The following MNT variants were observed in gnomAD, a reference collection of about 807,000 sequenced individuals.
MNT encodes max-binding protein MNT.
In MNT, 13 loss-of-function variants were observed where a neutral mutation model predicts 40.7. The ratio of observed to expected loss-of-function variants is 0.32; its 90% CI spans 0.21 to 0.51. The LOEUF (loss-of-function observed/expected upper bound fraction) is 0.51, where lower values mean the gene tolerates loss of function less well. Among genes scored for constraint, MNT ranks in the 20% least tolerant of loss-of-function variants. MNT has a pLI of 0.98. For missense variants in MNT, 757 were observed against 792.0 expected, an observed-to-expected ratio of 0.96 and a Z score of 0.53; for synonymous variants, 426 against 354.8, an observed-to-expected ratio of 1.20 and a Z score of -2.26.
rs776333959 is a variant in MNT, at chr17:2,394,124, G to A, written c.726C>T (p.Thr242=). 3 of 1,609,756 alleles carry A rather than the reference G, an allele frequency of 1.9e-6. No individual in the cohort carries two copies. Among genetic ancestry groups the A allele is most frequent in the East Asian group, 2.2e-5 (1 of 44,558 alleles). The change falls in exon 4 of 6, where the codon ACC becomes ACT. Residue 242 remains threonine, a synonymous_variant. Coordinates refer to ENST00000174618, the MANE Select transcript of MNT (RefSeq NM_020310.3). ...RRAHLKECFE[T]LKRNIPNVDD... ...CCACGTTGGGGATGTTCCGCTTCAG[G>A]GTCTCAAAGCACTCTTTCAGATGGG...
intron 1 of MNT, among the ~76,000 whole-genome samples, chr17:2,398,981 C>T (rs939204507): frequency 6.6e-6 from 1 of 151,834 alleles, no homozygotes; most frequent in African/African-American, 2.4e-5. Flanking sequence ...GCAGCTCCCC[C>T]GCCCCTTGCC....
In MNT at chr17:2,395,272, G is replaced by T; in HGVS notation, c.256C>A (p.Leu86Met). 1.3e-6 allele frequency: 2 copies of T among 1,552,542 alleles called. No homozygotes were observed. Among genetic ancestry groups the T allele is most frequent in the South Asian group, 2.4e-5 (2 of 84,734 alleles). ...ACCACAGGGATAGGGATGACAGTCAGTGGGGCAGGGGTGGCAAGTGGTGGT... is the reference window on the plus strand; with the variant it reads ...ACCACAGGGATAGGGATGACAGTCATTGGGGCAGGGGTGGCAAGTGGTGGT... ...PPPPLATPAP[L>M]TVIPIPVVTN... The change falls in exon 2 of 6, where the codon CTG becomes ATG. Residue 86 changes from leucine to methionine, a missense_variant. Coordinates refer to ENST00000174618, the MANE Select transcript of MNT (RefSeq NM_020310.3).
In MNT at chr17:2,394,115, C is replaced by G. The variant is rs535805466; in HGVS notation, c.735G>C (p.Arg245=). Residue 245 remains arginine (R), a synonymous_variant, in exon 4 of 6, where the codon CGG becomes CGC. Coordinates refer to ENST00000174618, the MANE Select transcript of MNT (RefSeq NM_020310.3). ...HLKECFETLK[R]NIPNVDDKKT... ...TCTTGTCATCCACGTTGGGGATGTT[C>G]CGCTTCAGGGTCTCAAAGCACTCTT... 3.7e-6 allele frequency: 6 copies of G among 1,609,722 alleles called. No homozygotes were observed. Among genetic ancestry groups the G allele is most frequent in the Non-Finnish European group, 5.1e-6 (6 of 1,178,126 alleles).
chr17:2,395,619 G>A (rs992463746), intron 1 of MNT, among the ~76,000 whole-genome samples, 165 bp from the exon 2 acceptor site: 5 of 152,040 alleles, frequency 3.3e-5, no homozygotes, highest in East Asian at 1.9e-4. Flanking sequence ...GGAAAGTGCC[G>A]GGGGCACAGC....
At chr17:2,388,893 G>A (rs572310657) in intron 4 of MNT, among the ~76,000 whole-genome samples, 4 of 152,084 alleles carry the variant, frequency 2.6e-5, no homozygotes, top group Non-Finnish European at 5.9e-5. Flanking sequence ...ACCAGGCAAC[G>A]CCGACACGTG....
rs2066463971 is a variant in MNT at position 2,386,618 on chromosome 17, A to C, written c.*283T>G. ...ATCGCACTGATTTCCGAGGGTAGGGAGGGGAAGCAGGAGCGGCACTGGAGC... is the reference window on the plus strand; with the variant it reads ...ATCGCACTGATTTCCGAGGGTAGGGCGGGGAAGCAGGAGCGGCACTGGAGC... On this transcript the variant is annotated 3_prime_UTR_variant, in exon 6 of 6. Coordinates refer to ENST00000174618, the MANE Select transcript of MNT (RefSeq NM_020310.3). 7.5e-6 allele frequency: 3 copies of C among 399,374 alleles called. No individual in the cohort carries two copies. The highest frequency in any genetic ancestry group is 7.3e-5 in the South Asian group (1 of 13,704). 24.7% of individuals were successfully genotyped at this position (399,374 alleles called of 1,614,324 possible).
chr17:2,395,446 C>G lies in MNT; in HGVS notation c.82G>C (p.Glu28Gln). 1 of 1,612,390 alleles carries G rather than the reference C, an allele frequency of 6.2e-7. No individual in the cohort carries two copies. Among genetic ancestry groups the G allele is most frequent in the Non-Finnish European group, 8.5e-7 (1 of 1,179,804 alleles). Reference protein sequence around the residue: ...QQQQRAREEQERLRLEQEREQ... With the variant: ...QQQQRAREEQQRLRLEQEREQ... ...CGCTCCTGCTCCAAGCGAAGCCGCT[C>G]CTGCTCCTCTACACAGAGAGAACAC... is the stretch of plus-strand genomic sequence containing the variant. Residue 28 changes from glutamate to glutamine, a missense_variant, in exon 2 of 6, where the codon GAG (glutamate) becomes CAG (glutamine). Physicochemically the swap from Glu to Gln is conservative, Grantham distance 29. Transcript: ENST00000174618.
chr17:2,395,213 TG>T lies in MNT; in HGVS notation c.314del (p.Pro105HisfsTer70). The T allele has an allele frequency of 3.9e-6, 3 of 770,958 alleles. No homozygotes were observed. The highest frequency in any genetic ancestry group is 4.7e-6 in the Non-Finnish European group (3 of 636,834). 47.8% of individuals were successfully genotyped at this position (770,958 alleles called of 1,614,324 possible). A position where few individuals can be genotyped will look rare whatever the true frequency, so the allele number is the denominator to read the frequency against. On this transcript the variant is annotated frameshift_variant, in exon 2 of 6. Transcript: ENST00000174618. LOFTEE classifies it high-confidence loss of function. ...GAGGCTGGGCTGCCGCGGGCAAGGG[TG>T]GGGGTGGGGGTAGAGGCTGAGGGGA... is the stretch of plus-strand genomic sequence containing the variant. ...TNSPQPLPPPPPLPAAAQPLP... is the reference protein window; with the variant it reads ...TNSPQPLPPPXPLPAAAQPLP...
At position 2,400,848 on chromosome 17, in the gene MNT, G is replaced by T. The variant is rs2066610489; in HGVS notation, c.-136C>A. 5.5e-6 allele frequency: 3 copies of T among 544,194 alleles called. No individual in the cohort carries two copies. Among genetic ancestry groups the T allele is most frequent in the Non-Finnish European group, 9.1e-6 (3 of 331,072 alleles). 33.7% of individuals were successfully genotyped at this position (544,194 alleles called of 1,614,324 possible). On this transcript the variant is annotated 5_prime_UTR_variant, in exon 1 of 6. Coordinates refer to ENST00000174618, the MANE Select transcript of MNT (RefSeq NM_020310.3). ...AGGGCTGGGCGGCGCAGCGCACTCC[G>T]CAGGGAAGAACGGGGGAGCACGGGG... is the stretch of plus-strand genomic sequence containing the variant.
At chr17:2,394,795 G>C (rs1370472736) in intron 2 of MNT, 80 bp downstream of exon 2, 1 of 1,014,262 alleles carries the variant, frequency 9.9e-7, no homozygotes, top group Non-Finnish European at 1.5e-6. Flanking sequence ...GCTGGGGAGG[G>C]CACCTTGTCT....
At chr17:2,394,793 G>T in intron 2 of MNT, 82 bp downstream of exon 2, 1 of 987,386 alleles carries the variant, frequency 1.0e-6, no homozygotes, top group Non-Finnish European at 1.5e-6. Flanking sequence ...AAGCTGGGGA[G>T]GGCACCTTGT....
At chr17:2,393,949 CCGGGGCGTGAGGG>C (rs2066550142) in intron 4 of MNT, 81 bp downstream of exon 4, 5 of 778,858 alleles carry the variant, frequency 6.4e-6, no homozygotes, top group Non-Finnish European at 9.1e-6. Flanking sequence ...GGGGGAGCCG[CCGGGGCGTGAGGG>C]CGGGGCGGGG....
At chr17:2,396,838 T>C (rs1462608049) in intron 1 of MNT, 2 of 152,278 alleles carry the variant, frequency 1.3e-5, no homozygotes, top group African/African-American at 4.8e-5. Context: ...CCCGGGCTCG[T>C]GGACACGCCC....
Position 2,394,098 on chromosome 17 carries a change from T to G in MNT, c.752A>C (p.Asp251Ala). The change falls in exon 4 of 6, where the codon GAT becomes GCT. Residue 251 changes from aspartate (D) to alanine (A), a missense_variant. This residue lies in a region of MNT where 73 missense variants were observed against 100.8 expected (regional missense o/e 0.72). Coordinates refer to ENST00000174618, the MANE Select transcript of MNT (RefSeq NM_020310.3). ...GCTCAGATTGGACGTCTTCTTGTCA[T>G]CCACGTTGGGGATGTTCCGCTTCAG... is the stretch of plus-strand genomic sequence containing the variant. ...ETLKRNIPNV[D>A]DKKTSNLSVL... The G allele has an allele frequency of 1.2e-6, 2 of 1,609,018 alleles. No homozygotes were observed. Among genetic ancestry groups the G allele is most frequent in the Non-Finnish European group, 1.7e-6 (2 of 1,177,892 alleles).
chr17:2,394,790 G>A, intron 2 of MNT, 85 bp downstream of exon 2: 1 of 958,134 alleles, frequency 1.0e-6, no homozygotes, highest in Non-Finnish European at 1.6e-6. Context: ...TCTAAGCTGG[G>A]GAGGGCACCT....
At position 2,387,129 on chromosome 17, in the gene MNT, C is replaced by A; in HGVS notation, c.1521G>T (p.Gln507His). The part of the protein sequence containing the change: ...TLNHVAHLGS[Q>H]LPLYPQPVAV... ...CCACGGGCTGCGGGTACAAGGGCAG[C>A]TGGGAGCCCAGGTGGGCCACATGGT... Residue 507 changes from glutamine (Q) to histidine (H), a missense_variant, in exon 6 of 6, where the codon CAG becomes CAT. This residue lies in a region of MNT where 345 missense variants were observed against 380.1 expected (regional missense o/e 0.91). Coordinates refer to ENST00000174618, the MANE Select transcript of MNT (RefSeq NM_020310.3). 13 of 1,592,832 alleles carry A rather than the reference C, an allele frequency of 8.2e-6. No homozygotes were observed. The highest frequency in any genetic ancestry group is 1.1e-5 in the Non-Finnish European group (13 of 1,170,732).
chr17:2,392,434 C>A (rs1345811197), intron 4 of MNT, among the ~76,000 whole-genome samples: 2 of 152,202 alleles, frequency 1.3e-5, no homozygotes, highest in Non-Finnish European at 1.5e-5. Flanking sequence ...CAAACCCACA[C>A]GTTACGCAAG....
Position 2,394,304 on chromosome 17 carries a change from C to CACCT in MNT, c.695_695+1insAGGT (p.Arg233GlyfsTer10). 1 of 1,610,556 alleles carries CACCT rather than the reference C, an allele frequency of 6.2e-7. No individual in the cohort carries two copies. The highest frequency in any genetic ancestry group is 2.2e-5 in the East Asian group (1 of 44,730). Reference sequence around the variant, plus strand: ...ACACACACACACACACACACACACACCTGTTCTTCTCCAATTTGTTGTGGA... The same window carrying CACCT: ...ACACACACACACACACACACACACACACCTCTGTTCTTCTCCAATTTGTTGTGGA... On this transcript the variant is annotated frameshift_variant and splice_region_variant. Transcript: ENST00000174618. LOFTEE classifies it high-confidence loss of function.
At position 2,400,550 on chromosome 17, in the gene MNT, G is replaced by A. The variant is rs960279198; in HGVS notation, c.73+90C>T. ...AGGCTCCGCAGGCCGCCCGGGAGGG[G>A]GCCCTGTCCGCGGTTTCGCGTGGGT... is the stretch of plus-strand genomic sequence containing the variant. On this transcript the variant is annotated intron_variant, in intron 1 of 5. Coordinates refer to ENST00000174618, the MANE Select transcript of MNT (RefSeq NM_020310.3). 7.2e-5 allele frequency: 94 copies of A among 1,307,552 alleles called. No individual in the cohort carries two copies. In the African/African-American group the frequency reaches 1.4e-3, roughly 19 times the overall value. 81.0% of individuals were successfully genotyped at this position (1,307,552 alleles called of 1,614,324 possible). A position where few individuals can be genotyped will look rare whatever the true frequency, so the allele number is the denominator to read the frequency against.
Sources: allele counts gnomAD v4.1 joint callset (sites outside exome capture counted in the v4.1 genomes callset), GRCh38; gene constraint gnomAD v4.1.1; regional missense constraint gnomAD v4.1.1; transcripts MANE v1.5; gene names NCBI Gene and HGNC (gene_info 2026-07-23, HGNC 2026-07-21).